SPAG16: variants seen among roughly 807,000 people sequenced by gnomAD.
The protein encoded by SPAG16 is sperm associated antigen 16, also known as sperm-associated antigen 16 protein.
In SPAG16, 86 loss-of-function variants were observed where a neutral mutation model predicts 80.4. The observed-to-expected ratio is 1.07, with a 90% CI of 0.90 to 1.28. The LOEUF (loss-of-function observed/expected upper bound fraction) is 1.28. Among genes scored for constraint, SPAG16 ranks in the 50% most tolerant of loss-of-function variants. The pLI is 0.00. For missense variants in SPAG16, 870 were observed against 765.3 expected (o/e 1.14, Z -1.61); for synonymous variants, 294 against 265.9 (o/e 1.11, Z -1.03).
At chr2:214,374,526 T>C (rs1339840238) in intron 15 of SPAG16, among the ~76,000 whole-genome samples, 3 of 152,184 alleles carry the variant, frequency 2.0e-5, no homozygotes, top group African/African-American at 4.8e-5. Flanking sequence ...ACAAACTTGT[T>C]TTTCTAAAAT....
At chr2:213,333,642 C>T (rs530655274) in intron 5 of SPAG16, among the ~76,000 whole-genome samples, 3 of 152,144 alleles carry the variant, frequency 2.0e-5, no homozygotes, top group African/African-American at 7.2e-5. Flanking sequence ...ATGGTACTGA[C>T]ATAAAACCAA....
intron 11 of SPAG16, among the ~76,000 whole-genome samples, chr2:213,929,161 A>G (rs2106241662): frequency 6.6e-6 from 1 of 151,172 alleles, no homozygotes; most frequent in Non-Finnish European, 1.5e-5. Context: ...TTACAGGCGC[A>G]CGCCACCATG....
At chr2:213,367,147 A>G (rs1015887340) in intron 8 of SPAG16, among the ~76,000 whole-genome samples, 2 of 152,176 alleles carry the variant, frequency 1.3e-5, no homozygotes, top group Non-Finnish European at 2.9e-5. Context: ...ATAGTATTCC[A>G]TGGTGTATAT....
At chr2:213,962,438 G>T (rs973674725) in intron 12 of SPAG16, among the ~76,000 whole-genome samples, 3 of 152,062 alleles carry the variant, frequency 2.0e-5, no homozygotes, top group African/African-American at 7.2e-5. Flanking sequence ...GCCTGCCTTG[G>T]CCTCCCGAAG....
intron 14 of SPAG16, among the ~76,000 whole-genome samples, chr2:214,110,875 G>A (rs1173850882): frequency 1.3e-5 from 2 of 152,132 alleles, no homozygotes; most frequent in Non-Finnish European, 2.9e-5. Context: ...GCATTTCTCT[G>A]ATGGCCAGTG....
At chr2:214,294,135 C>G (rs1185619422) in intron 15 of SPAG16, among the ~76,000 whole-genome samples, 1 of 152,204 alleles carries the variant, frequency 6.6e-6, no homozygotes, top group Admixed American at 6.5e-5. Context: ...ACTGTGAAAC[C>G]CAGCATGAGC....
chr2:214,400,776 T>C (rs1186610789), intron 15 of SPAG16, among the ~76,000 whole-genome samples: 2 of 152,068 alleles, frequency 1.3e-5, no homozygotes, highest in East Asian at 3.8e-4. Context: ...TTTTATGTTT[T>C]CTAAGTAAGG....
chr2:214,407,681 G>C (rs1574538588), intron 15 of SPAG16, among the ~76,000 whole-genome samples: 1 of 152,112 alleles, frequency 6.6e-6, no homozygotes, highest in East Asian at 1.9e-4. Flanking sequence ...GATGCTACCA[G>C]TAATGAGACT....
At chr2:213,628,612 C>T (rs913833598) in intron 10 of SPAG16, among the ~76,000 whole-genome samples, 1 of 152,164 alleles carries the variant, frequency 6.6e-6, no homozygotes, top group Non-Finnish European at 1.5e-5. Context: ...CTTGGATTCG[C>T]ACAACTTGTG....
intron 9 of SPAG16, among the ~76,000 whole-genome samples, chr2:213,397,812 G>C (rs761104475): frequency 3.9e-4 from 60 of 152,016 alleles, no homozygotes; most frequent in Non-Finnish European, 7.4e-4. Flanking sequence ...CACTCCCTAG[G>C]TGATCTCATC....
intron 9 of SPAG16, among the ~76,000 whole-genome samples, chr2:213,388,081 T>C (rs2067544411): frequency 6.6e-6 from 1 of 152,152 alleles, no homozygotes; most frequent in Non-Finnish European, 1.5e-5. Flanking sequence ...ATAGTTAAGT[T>C]GGGTCAATTT....
chr2:213,994,970 G>C (rs946194606), intron 12 of SPAG16, among the ~76,000 whole-genome samples: 1 of 151,944 alleles, frequency 6.6e-6, no homozygotes, highest in Non-Finnish European at 1.5e-5. Context: ...CTTGATAAAA[G>C]AATAAAGAAA....
intron 10 of SPAG16, among the ~76,000 whole-genome samples, chr2:213,684,313 G>C (rs1355230164): frequency 1.3e-5 from 2 of 152,146 alleles, no homozygotes; most frequent in Non-Finnish European, 2.9e-5. Flanking sequence ...TCTTTTTTAA[G>C]TTTATACTAA....
intron 10 of SPAG16, among the ~76,000 whole-genome samples, chr2:213,742,749 C>T (rs1024204011): frequency 6.6e-6 from 1 of 150,508 alleles, no homozygotes; most frequent in Non-Finnish European, 1.5e-5. Flanking sequence ...GACAGCGTTT[C>T]ACCATGTTGG....
intron 10 of SPAG16, among the ~76,000 whole-genome samples, chr2:213,700,977 C>T (rs181286828): frequency 3.4e-4 from 52 of 152,282 alleles, no homozygotes; most frequent in Admixed American, 2.9e-3. Context: ...CACGGTGGCT[C>T]ATGCCTGTAA....
chr2:214,114,024 T>A (rs191205458), intron 14 of SPAG16, among the ~76,000 whole-genome samples: 2 of 151,196 alleles, frequency 1.3e-5, no homozygotes, highest in Admixed American at 6.6e-5. Flanking sequence ...GATGTCCTTT[T>A]TCTTGATGTT....
intron 9 of SPAG16, among the ~76,000 whole-genome samples, chr2:213,488,707 C>G (rs1265580927): frequency 2.0e-5 from 3 of 151,830 alleles, no homozygotes; most frequent in Non-Finnish European, 4.4e-5. Flanking sequence ...TGAGACTAAG[C>G]GAGCTTTTAA....
At chr2:213,442,838 C>T (rs1308916414) in intron 9 of SPAG16, among the ~76,000 whole-genome samples, 1 of 151,966 alleles carries the variant, frequency 6.6e-6, no homozygotes, top group East Asian at 1.9e-4. Context: ...ATCTAGATTA[C>T]CTTGGATTTG....
At chr2:213,848,427 AATTTGTCATT>A (rs1409236403) in intron 10 of SPAG16, among the ~76,000 whole-genome samples, 1 of 152,092 alleles carries the variant, frequency 6.6e-6, no homozygotes, top group Non-Finnish European at 1.5e-5. Context: ...TGGTTTTCTT[AATTTGTCATT>A]GTTTGAACCC....
Sources: allele counts gnomAD v4.1 joint callset (sites outside exome capture counted in the v4.1 genomes callset), GRCh38; gene constraint gnomAD v4.1.1; transcripts MANE v1.5; gene names NCBI Gene and HGNC (gene_info 2026-07-23, HGNC 2026-07-21).